The following IFIH1 variants were observed in gnomAD, a reference collection of about 807,000 sequenced individuals.
IFIH1 encodes the protein interferon-induced helicase C domain-containing protein 1.
Under a neutral mutation model 107.4 loss-of-function variants are expected in IFIH1, and 125 were observed. The ratio of observed to expected loss-of-function variants is 1.16; its 90% CI spans 1.01 to 1.35. IFIH1 has a LOEUF of 1.35. Among genes scored for constraint, IFIH1 ranks in the 40% most tolerant of loss-of-function variants. The pLI, the probability that IFIH1 is intolerant of heterozygous loss-of-function variation, is 0.00. For missense variants in IFIH1, 1,333 were observed against 1,213.7 expected, an observed-to-expected ratio of 1.10 and a Z score of -1.46; for synonymous variants, 458 against 413.2, an observed-to-expected ratio of 1.11 and a Z score of -1.31.
At chr2:162,272,508 G>A in intron 12 of IFIH1, 121 bp from the exon 13 acceptor site, 2 of 768,216 alleles carry the variant, frequency 2.6e-6, no homozygotes, top group Middle Eastern at 2.4e-4. Context: ...CAGCATGCCA[G>A]TCTTCAAATG....
rs772582837 is a variant in IFIH1, at chr2:162,268,131, A to G, written c.2763T>C (p.His921=). ...SVLACSGEDI[H]VIEKMHHVNM... Reference sequence around the variant, plus strand: ...TGACGTGATGCATTTTCTCAATTACATGGATATCTTCCCCAGAACAGGCTA... The same window carrying G: ...TGACGTGATGCATTTTCTCAATTACGTGGATATCTTCCCCAGAACAGGCTA... The change falls in exon 14 of 16, where the codon CAT becomes CAC. Residue 921 remains histidine (H), a synonymous_variant. Transcript: ENST00000649979. The G allele has an allele frequency of 9.3e-6, 15 of 1,610,882 alleles. No individual in the cohort carries two copies. Among genetic ancestry groups the G allele is most frequent in the African/African-American group, 5.3e-5 (4 of 74,782 alleles).
chr2:162,311,262 G>A (rs893370225), intron 1 of IFIH1, among the ~76,000 whole-genome samples: 18 of 152,002 alleles, frequency 1.2e-4, no homozygotes, highest in Non-Finnish European at 2.2e-4. Context: ...ATAAAGGATA[G>A]AAGAGAAAGT....
chr2:162,311,075 T>A, intron 1 of IFIH1, 142 bp from the exon 2 acceptor site: 1 of 586,024 alleles, frequency 1.7e-6, no homozygotes, highest in Non-Finnish European at 2.8e-6. Flanking sequence ...AAAATAGCAA[T>A]GTTACCTGTA....
At chr2:162,272,434 C>T (rs76815515) in intron 12 of IFIH1, 47 bp from the exon 13 acceptor site, 2 of 1,530,518 alleles carry the variant, frequency 1.3e-6, no homozygotes, top group Non-Finnish European at 8.9e-7. Context: ...CGTTGTGATA[C>T]AAATCCTCCT....
chr2:162,293,584 C>G lies in IFIH1; in HGVS notation c.854G>C (p.Gly285Ala), dbSNP rs1263997174. Residue 285 changes from glycine (G) to alanine (A), a missense_variant, in exon 4 of 16, where the codon GGC (glycine) becomes GCC (alanine). By Grantham distance (60) the Gly-to-Ala change is moderately conservative (BLOSUM62 0). Transcript: ENST00000649979. ...AGTACCTGAATCACTTCCCATGGTG[C>G]CTGAATCACTGCCCATGTTGCTGTT... ...GHNSNMGSDS[G>A]TMGSDSDEEN... 2 of 1,609,744 alleles carry G rather than the reference C, an allele frequency of 1.2e-6. No homozygotes were observed. Among genetic ancestry groups the G allele is most frequent in the African/African-American group, 2.7e-5 (2 of 74,752 alleles).
chr2:162,314,272 T>C (rs1318502598), intron 1 of IFIH1, among the ~76,000 whole-genome samples: 1 of 152,094 alleles, frequency 6.6e-6, no homozygotes, highest in Non-Finnish European at 1.5e-5. Context: ...TAATGATTGA[T>C]AAAATGGCAT....
rs1213469969 is a variant in IFIH1 at position 162,288,230 on chromosome 2, C to G, written c.1000G>C (p.Gly334Arg). 6.2e-7 allele frequency: 1 copy of G among 1,612,696 alleles called. No individual in the cohort carries two copies. The highest frequency in any genetic ancestry group is 8.5e-7 in the Non-Finnish European group (1 of 1,179,180). ...ATGTAAACAGCCACTCTGGTTTTTC[C>G]ACTCCCTGTAGGGAGGCAGATGATG... Reference protein sequence around the residue: ...NIIICLPTGSGKTRVAVYIAK... With the variant: ...NIIICLPTGSRKTRVAVYIAK... The change falls in exon 5 of 16, where the codon GGA becomes CGA. Residue 334 changes from glycine (G) to arginine (R), a missense_variant. Coordinates refer to ENST00000649979, the MANE Select transcript of IFIH1 (RefSeq NM_022168.4).
At chr2:162,313,826 T>G (rs1218920119) in intron 1 of IFIH1, among the ~76,000 whole-genome samples, 1 of 152,232 alleles carries the variant, frequency 6.6e-6, no homozygotes, top group Non-Finnish European at 1.5e-5. Context: ...CATACTTTTT[T>G]TTTTGCAGAT....
In IFIH1 at chr2:162,283,548, T is replaced by C. The variant is rs141972849; in HGVS notation, c.1096-972A>G. Among the ~76,000 whole-genome samples the C allele has an allele frequency of 1.8e-4, 28 of 151,974 alleles. No individual in the cohort carries two copies. The East Asian group carries it at 5.5e-3, about 30-fold the overall frequency. On this transcript the variant is annotated intron_variant, in intron 5 of 15. Transcript: ENST00000649979. ...AGTGTACAATATGGGAAACAGAGAG[T>C]TGGCAGGAAGAGTTTCAAGGGCAAG...
intron 11 of IFIH1, among the ~76,000 whole-genome samples, chr2:162,275,154 G>C (rs1691128030): frequency 6.6e-6 from 1 of 152,152 alleles, no homozygotes; most frequent in Non-Finnish European, 1.5e-5. Context: ...TAAGGAGTTT[G>C]TCCACCCCAG....
At chr2:162,292,190 C>A (rs545050025) in intron 4 of IFIH1, among the ~76,000 whole-genome samples, 41 of 151,828 alleles carry the variant, frequency 2.7e-4, no homozygotes, top group African/African-American at 9.4e-4. Context: ...TTAAAACAAC[C>A]TATAATGATG....
At position 162,281,335 on chromosome 2, in the gene IFIH1, A is replaced by T. The variant is rs1320095792; in HGVS notation, c.1517T>A (p.Ile506Asn). Residue 506 changes from isoleucine to asparagine, a missense_variant, in exon 7 of 16, where the codon ATT (isoleucine) becomes AAT (asparagine). Physicochemically the swap from Ile to Asn is moderately radical, Grantham distance 149. Coordinates refer to ENST00000649979, the MANE Select transcript of IFIH1 (RefSeq NM_022168.4). ...ATKQAKAEEHILKLCANLDAF... is the reference protein window; with the variant it reads ...ATKQAKAEEHNLKLCANLDAF... ...CATAAAATTATGACTTACTTTTAAA[A>T]TGTGTTCTTCAGCTTTGGCTTGCTT... 1.2e-6 allele frequency: 2 copies of T among 1,611,274 alleles called. No homozygotes were observed. The highest frequency in any genetic ancestry group is 4.5e-5 in the East Asian group (2 of 44,820).
intron 3 of IFIH1, among the ~76,000 whole-genome samples, chr2:162,298,800 A>C (rs544226627): frequency 2.6e-5 from 4 of 152,172 alleles, no homozygotes; most frequent in Admixed American, 2.6e-4. Context: ...GCACACACAC[A>C]CACACACACA....
chr2:162,270,854 A>T, intron 13 of IFIH1, among the ~76,000 whole-genome samples: 1 of 152,210 alleles, frequency 6.6e-6, no homozygotes, highest in African/African-American at 2.4e-5. Context: ...GGGTTTTAAA[A>T]TAAAGTTTTG....
In IFIH1 at chr2:162,282,523, T is replaced by C. The variant is rs1247731217; in HGVS notation, c.1149A>G (p.Lys383=). 1.9e-6 allele frequency: 3 copies of C among 1,611,802 alleles called. No homozygotes were observed. Among genetic ancestry groups the C allele is most frequent in the East Asian group, 2.2e-5 (1 of 44,762 alleles). ...CACTTAATCCAATAACACGATACCA[T>C]TTCTTCAAAAATGGTTGGAACTCCT... ...FRKEFQPFLK[K]WYRVIGLSGD... Residue 383 remains lysine (K), a synonymous_variant, in exon 6 of 16, where the codon AAA becomes AAG. Transcript: ENST00000649979.
intron 12 of IFIH1, 50 bp downstream of exon 12, chr2:162,273,745 G>T (rs1691091249): frequency 1.5e-6 from 2 of 1,308,658 alleles, no homozygotes; most frequent in South Asian, 1.6e-5. Flanking sequence ...ATTAAAATAG[G>T]AACACAACAA....
chr2:162,284,979 A>C (rs1169933326), intron 5 of IFIH1, among the ~76,000 whole-genome samples: 1 of 152,010 alleles, frequency 6.6e-6, no homozygotes, highest in Non-Finnish European at 1.5e-5. Context: ...AGAAGTTGTC[A>C]CAGGAGATAG....
At chr2:162,286,766 G>A (rs766439097) in intron 5 of IFIH1, among the ~76,000 whole-genome samples, 3 of 151,876 alleles carry the variant, frequency 2.0e-5, no homozygotes, top group Non-Finnish European at 4.4e-5. Flanking sequence ...AGCCTCCCTG[G>A]TTATGTTACT....
chr2:162,279,356 T>C (rs1682766989), intron 8 of IFIH1, among the ~76,000 whole-genome samples: 1 of 152,106 alleles, frequency 6.6e-6, no homozygotes, highest in African/African-American at 2.4e-5. Context: ...TTATTTTCAA[T>C]GGTATTATCA....
Sources: gnomAD v4.1 joint callset for allele counts (sites outside exome capture counted in the v4.1 genomes callset) on GRCh38, gnomAD v4.1.1 for gene constraint, MANE v1.5 for transcripts, NCBI Gene and HGNC (gene_info 2026-07-23, HGNC 2026-07-21) for gene names.